The following SPRYD3 variants were observed in gnomAD, a reference collection of about 807,000 sequenced individuals.
SPRYD3 encodes SPRY domain containing 3.
SPRYD3 carries 17 observed loss-of-function variants against 50.1 expected under a neutral mutation model. The ratio of observed to expected loss-of-function variants is 0.34; its 90% CI spans 0.23 to 0.51. The LOEUF is 0.51. Among genes scored for constraint, SPRYD3 ranks in the 20% least tolerant of loss-of-function variants. The pLI, the probability that SPRYD3 is intolerant of heterozygous loss-of-function variation, is 0.97. For missense variants in SPRYD3, 401 were observed against 591.2 expected, an observed-to-expected ratio of 0.68 and a Z score of 3.34; for synonymous variants, 198 against 215.5, an observed-to-expected ratio of 0.92 and a Z score of 0.71.
intron 6 of SPRYD3, 58 bp from the exon 7 acceptor site, chr12:53,068,362 C>G: frequency 1.3e-6 from 2 of 1,597,752 alleles, no homozygotes; most frequent in Non-Finnish European, 8.5e-7. Flanking sequence ...CCCTGGAAAC[C>G]TGGGCCCAAG....
In SPRYD3 at chr12:53,079,382, C is replaced by T. The variant is rs1565619595; in HGVS notation, c.-49G>A. 5 of 1,588,370 alleles carry T rather than the reference C, an allele frequency of 3.1e-6. No individual in the cohort carries two copies. Among genetic ancestry groups the T allele is most frequent in the Non-Finnish European group, 4.3e-6 (5 of 1,167,436 alleles). Reference sequence around the variant, plus strand: ...ACAAGCTCTTCGGCCGCCGCCACCACACACATCCGGGTCCCCGCCTTTCCT... The same window carrying T: ...ACAAGCTCTTCGGCCGCCGCCACCATACACATCCGGGTCCCCGCCTTTCCT... On this transcript the variant is annotated 5_prime_UTR_variant, in exon 1 of 11. In the 5' UTR this introduces an upstream ATG that the reference lacks. Coordinates refer to ENST00000301463, the MANE Select transcript of SPRYD3 (RefSeq NM_032840.3).
intron 3 of SPRYD3, 89 bp from the exon 4 acceptor site, chr12:53,075,308 G>T: frequency 2.2e-6 from 3 of 1,374,664 alleles, no homozygotes; most frequent in Non-Finnish European, 3.0e-6. Flanking sequence ...GAGATTAAAG[G>T]GCGCTGAGGC....
At chr12:53,077,360 C>T in intron 1 of SPRYD3, 99 bp from the exon 2 acceptor site, 1 of 1,294,460 alleles carries the variant, frequency 7.7e-7, no homozygotes, top group Non-Finnish European at 1.1e-6. Flanking sequence ...GGCCTTGAGG[C>T]CAGCTGCCCA....
chr12:53,065,093 G>C lies in SPRYD3; in HGVS notation c.*739C>G, dbSNP rs1400225529. ...ACATGGGTGGCACTGGTAAAGAAAG[G>C]ATGGAAGGGGAGAAAGGAGTGAAGG... On this transcript the variant is annotated 3_prime_UTR_variant, in exon 11 of 11. Coordinates refer to ENST00000301463, the MANE Select transcript of SPRYD3 (RefSeq NM_032840.3). 6.6e-6 allele frequency: 1 copy of C among 152,462 alleles called. No individual in the cohort carries two copies. The highest frequency in any genetic ancestry group is 2.4e-5 in the African/African-American group (1 of 41,462). The allele number at this position is 152,462 out of a possible 1,614,324, so 9.4% of individuals were successfully genotyped here. A position where few individuals can be genotyped will look rare whatever the true frequency, so the allele number is the denominator to read the frequency against.
At chr12:53,073,700 C>T (rs1348438745) in intron 5 of SPRYD3, among the ~76,000 whole-genome samples, 6 of 151,836 alleles carry the variant, frequency 4.0e-5, no homozygotes, top group Non-Finnish European at 5.9e-5. Context: ...AAAAATTAGC[C>T]GGGCGTGGTG....
chr12:53,075,665 G>A, intron 3 of SPRYD3, 71 bp downstream of exon 3: 3 of 1,234,714 alleles, frequency 2.4e-6, no homozygotes, highest in Non-Finnish European at 3.6e-6. Flanking sequence ...TCTAGTAAAG[G>A]AGCTTCTTGG....
In SPRYD3 at chr12:53,066,494, A is replaced by G; in HGVS notation, c.1022-8T>C. On this transcript the variant is annotated splice_polypyrimidine_tract_variant and splice_region_variant and intron_variant, in intron 9 of 10. Coordinates refer to ENST00000301463, the MANE Select transcript of SPRYD3 (RefSeq NM_032840.3). ...AACTGTCATCACTGTCCCCTAGGAG[A>G]CCAGGAAACCTGAGCTCCTGTGGTG... is the stretch of plus-strand genomic sequence containing the variant. 6.2e-7 allele frequency: 1 copy of G among 1,613,730 alleles called. No homozygotes were observed. Among genetic ancestry groups the G allele is most frequent in the Non-Finnish European group, 8.5e-7 (1 of 1,179,692 alleles).
At position 53,067,899 on chromosome 12, in the gene SPRYD3, C is replaced by A. The variant is rs532698236; in HGVS notation, c.844-194G>T. The stretch of plus-strand genomic sequence containing the variant: ...GAAAGTGTTAGTTAAGCTTTTAAGG[C>A]CAGAGCCATGGCATGTCCCACCCCC... On this transcript the variant is annotated intron_variant, in intron 7 of 10. Transcript: ENST00000301463. Among the ~76,000 whole-genome samples, 4 of 152,260 alleles carry A rather than the reference C, an allele frequency of 2.6e-5. No individual in the cohort carries two copies. The East Asian group carries it at 7.7e-4, about 29-fold the overall frequency.
At position 53,078,778 on chromosome 12, in the gene SPRYD3, T is replaced by C. The variant is rs111646177; in HGVS notation, c.23+533A>G. Among the ~76,000 whole-genome samples, 62 of 152,342 alleles carry C rather than the reference T, an allele frequency of 4.1e-4. 1 individual carries two copies. Among genetic ancestry groups the C allele is most frequent in the Middle Eastern group, 3.4e-3 (1 of 294 alleles). On this transcript the variant is annotated intron_variant, in intron 1 of 10. Transcript: ENST00000301463. Reference sequence around the variant, plus strand: ...GAAGTACTCTTCTCTTCCCATTCCCTAAACACTGGGACAGGGGTTTTCTTG... The same window carrying C: ...GAAGTACTCTTCTCTTCCCATTCCCCAAACACTGGGACAGGGGTTTTCTTG...
At chr12:53,070,139 AC>A (rs1944539044) in intron 6 of SPRYD3, among the ~76,000 whole-genome samples, 1 of 152,176 alleles carries the variant, frequency 6.6e-6, no homozygotes, top group Non-Finnish European at 1.5e-5. Context: ...ACCACAGAGC[AC>A]TTCGGACAGA....
chr12:53,071,948 T>TG (rs1264132323), intron 6 of SPRYD3, among the ~76,000 whole-genome samples: 1 of 151,828 alleles, frequency 6.6e-6, no homozygotes, highest in East Asian at 1.9e-4. Flanking sequence ...CTGAAGGTGT[T>TG]GGGGGGAGGG....
chr12:53,065,205 G>A lies in SPRYD3; in HGVS notation c.*627C>T, dbSNP rs894459211. The A allele has an allele frequency of 1.3e-5, 2 of 152,632 alleles. No individual in the cohort carries two copies. Among genetic ancestry groups the A allele is most frequent in the African/African-American group, 4.8e-5 (2 of 41,472 alleles). 9.5% of individuals were successfully genotyped at this position (152,632 alleles called of 1,614,324 possible). A position where few individuals can be genotyped will look rare whatever the true frequency, so the allele number is the denominator to read the frequency against. On this transcript the variant is annotated 3_prime_UTR_variant, in exon 11 of 11. Transcript: ENST00000301463. Reference sequence around the variant, plus strand: ...GTGGGTCCAGGTATGGGGAGCCAGAGACCTAGATCCTCTGTGGTGCCTGAG... The same window carrying A: ...GTGGGTCCAGGTATGGGGAGCCAGAAACCTAGATCCTCTGTGGTGCCTGAG...
At chr12:53,072,436 C>T (rs551189787) in intron 6 of SPRYD3, among the ~76,000 whole-genome samples, 13 of 152,178 alleles carry the variant, frequency 8.5e-5, no homozygotes, top group South Asian at 2.1e-4. Context: ...GTGGAAAGGC[C>T]AGAGGGTGGA....
At chr12:53,066,020 G>A in intron 10 of SPRYD3, 54 bp from the exon 11 acceptor site, 1 of 1,578,766 alleles carries the variant, frequency 6.3e-7, no homozygotes, top group Admixed American at 1.7e-5. Flanking sequence ...CCTCTTCCCT[G>A]AGGATGCTGG....
rs537198191 is a variant in SPRYD3, at chr12:53,069,041, G to A, written c.694-737C>T. On this transcript the variant is annotated intron_variant, in intron 6 of 10. Coordinates refer to ENST00000301463, the MANE Select transcript of SPRYD3 (RefSeq NM_032840.3). ...TGCTCATTCAAGTTGGAGTAGGGGCGTGGAGGTAGGATAGGGGAGATGACT... is the reference window on the plus strand; with the variant it reads ...TGCTCATTCAAGTTGGAGTAGGGGCATGGAGGTAGGATAGGGGAGATGACT... Among the ~76,000 whole-genome samples the A allele has an allele frequency of 2.3e-3, 349 of 152,226 alleles. 1 individual carries two copies. The highest frequency in any genetic ancestry group is 7.9e-3 in the African/African-American group (330 of 41,534).
chr12:53,072,645 G>A (rs2121203864), intron 6 of SPRYD3, among the ~76,000 whole-genome samples: 1 of 152,196 alleles, frequency 6.6e-6, no homozygotes, highest in East Asian at 1.9e-4. Context: ...TAAAATCCGG[G>A]GAGGAAGAAT....
chr12:53,074,897 G>C lies in SPRYD3; in HGVS notation c.372-113C>G. ...TGCTGCTCCTGGTCATTCTGTGATGGTACCCACTTACGTCCTGGCGTGAGC... is the reference window on the plus strand; with the variant it reads ...TGCTGCTCCTGGTCATTCTGTGATGCTACCCACTTACGTCCTGGCGTGAGC... On this transcript the variant is annotated intron_variant, in intron 4 of 10. Transcript: ENST00000301463. This position sits in a 1 kb window ranked among gnomAD's most constrained non-coding sequence, Gnocchi z 4.6. The C allele has an allele frequency of 7.0e-7, 1 of 1,434,738 alleles. No individual in the cohort carries two copies. Among genetic ancestry groups the C allele is most frequent in the Non-Finnish European group, 9.7e-7 (1 of 1,033,290 alleles). 88.9% of individuals were successfully genotyped at this position (1,434,738 alleles called of 1,614,324 possible). A position where few individuals can be genotyped will look rare whatever the true frequency, so the allele number is the denominator to read the frequency against.
intron 6 of SPRYD3, among the ~76,000 whole-genome samples, chr12:53,071,723 TA>T (rs60600870): frequency 0.091 from 9,527 of 104,456 alleles, 428 homozygotes; most frequent in African/African-American, 0.17. Context: ...TAGCCTGTCT[TA>T]AAAAAAAAAA....
At position 53,079,380 on chromosome 12, in the gene SPRYD3, C is replaced by G. The variant is rs753775876; in HGVS notation, c.-47G>C. ...ACACAAGCTCTTCGGCCGCCGCCAC[C>G]ACACACATCCGGGTCCCCGCCTTTC... On this transcript the variant is annotated 5_prime_UTR_variant, in exon 1 of 11. Coordinates refer to ENST00000301463, the MANE Select transcript of SPRYD3 (RefSeq NM_032840.3). The G allele has an allele frequency of 7.5e-6, 12 of 1,589,514 alleles. No individual in the cohort carries two copies. The Admixed American group carries it at 1.4e-4, about 18-fold the overall frequency.
Sources: gnomAD v4.1 joint callset for allele counts (sites outside exome capture counted in the v4.1 genomes callset) on GRCh38, gnomAD v4.1.1 for gene constraint, Gnocchi (gnomAD v3.1) non-coding constraint, MANE v1.5 for transcripts, NCBI Gene and HGNC (gene_info 2026-07-23, HGNC 2026-07-21) for gene names.